Variants in ADARB2 observed in about 807,000 individuals in gnomAD.
The protein encoded by ADARB2 is adenosine deaminase RNA specific B2 (inactive).
ADARB2 carries 25 observed loss-of-function variants against 62.2 expected under a neutral mutation model. The ratio of observed to expected loss-of-function variants is 0.40; its 90% confidence interval spans 0.29 to 0.56. The LOEUF is 0.56. ADARB2 is among the 20% of genes least tolerant of loss of function. ADARB2 has a pLI of 0.43. For missense variants in ADARB2, 1,071 were observed against 1,077.4 expected (o/e 0.99, Z 0.08); for synonymous variants, 572 against 500.8 (o/e 1.14, Z -1.90).
chr10:1,350,009 T>C (rs1832120515), intron 3 of ADARB2, among the ~76,000 whole-genome samples: 2 of 152,096 alleles, frequency 1.3e-5, no homozygotes, highest in Admixed American at 6.6e-5. Flanking sequence ...TTCCTCCTTC[T>C]TCTCCCTTAG....
intron 1 of ADARB2, among the ~76,000 whole-genome samples, chr10:1,708,050 A>G (rs1223451608): frequency 1.3e-5 from 2 of 152,178 alleles, no homozygotes; most frequent in African/African-American, 4.8e-5. Context: ...TTGTGCTCAC[A>G]TGAGGGTGGA....
chr10:1,586,970 T>C (rs930958724), intron 1 of ADARB2, among the ~76,000 whole-genome samples: 1 of 152,248 alleles, frequency 6.6e-6, no homozygotes, highest in African/African-American at 2.4e-5. Context: ...GGTATCTCCA[T>C]TGTGCAAGAA....
At chr10:1,392,267 C>T (rs1292891856) in intron 1 of ADARB2, among the ~76,000 whole-genome samples, 1 of 152,066 alleles carries the variant, frequency 6.6e-6, no homozygotes, top group Non-Finnish European at 1.5e-5. Flanking sequence ...GTTACATAAC[C>T]GGGATTGGGG....
In ADARB2 at chr10:1,363,647, G is replaced by T; in HGVS notation, c.458C>A (p.Ala153Asp). The change falls in exon 3 of 10, where the codon GCC becomes GAC. Residue 153 changes from alanine (A) to aspartate (D), a missense_variant. Physicochemically the swap from Ala to Asp is moderately radical, Grantham distance 126. Transcript: ENST00000381312. ...RTVSQTGPVH[A>D]PVFAVAVEVN... ...CTCCACCGCTACCGCGAAGACCGGG[G>T]CATGCACCGGGCCCGTCTGCGACAC... 6 of 1,606,748 alleles carry T rather than the reference G, an allele frequency of 3.7e-6. No individual in the cohort carries two copies. The highest frequency in any genetic ancestry group is 5.1e-6 in the Non-Finnish European group (6 of 1,176,664).
chr10:1,698,061 A>T (rs1226036123), intron 1 of ADARB2, among the ~76,000 whole-genome samples: 1 of 152,218 alleles, frequency 6.6e-6, no homozygotes, highest in African/African-American at 2.4e-5. Context: ...CAATGGTTAC[A>T]TATTAATAAA....
chr10:1,216,660 C>G lies in ADARB2; in HGVS notation c.1682+291G>C, dbSNP rs1564223827. 6.5e-6 allele frequency: 3 copies of G among 463,024 alleles called. No individual in the cohort carries two copies. In the East Asian group the frequency reaches 1.3e-4, roughly 21 times the overall value. The allele number at this position is 463,024 out of a possible 1,614,324, so 28.7% of individuals were successfully genotyped here. A position where few individuals can be genotyped will look rare whatever the true frequency, so the allele number is the denominator to read the frequency against. On this transcript the variant is annotated intron_variant, in intron 7 of 9. Transcript: ENST00000381312. ...CAGCCTCAGGCCAGGCTGTGTTTGCCCCATGCAGCCACAGCCTGGGGTTGC... is the reference window on the plus strand; with the variant it reads ...CAGCCTCAGGCCAGGCTGTGTTTGCGCCATGCAGCCACAGCCTGGGGTTGC...
chr10:1,499,547 CTCACTCA>C (rs911370655), intron 1 of ADARB2, among the ~76,000 whole-genome samples: 25 of 151,782 alleles, frequency 1.6e-4, no homozygotes, highest in African/African-American at 4.4e-4. Flanking sequence ...TCGCTCATGT[CTCACTCA>C]TCACTCATCA....
chr10:1,423,674 A>ATGTATGCAGTAAGACCATTG (rs1832869928), intron 1 of ADARB2, among the ~76,000 whole-genome samples: 3 of 151,948 alleles, frequency 2.0e-5, no homozygotes, highest in African/African-American at 7.2e-5. Context: ...TAGGTCCACT[A>ATGTATGCAGTAAGACCATTG]TGTATGCAGT....
intron 1 of ADARB2, among the ~76,000 whole-genome samples, chr10:1,641,448 G>T (rs554743264): frequency 1.3e-5 from 2 of 152,314 alleles, no homozygotes; most frequent in South Asian, 4.1e-4. Context: ...TTAAACCACA[G>T]CATTTTTTGA....
chr10:1,287,048 C>T (rs1409954658), intron 3 of ADARB2, among the ~76,000 whole-genome samples: 4 of 152,184 alleles, frequency 2.6e-5, no homozygotes, highest in Non-Finnish European at 5.9e-5. Context: ...AGTATGCAGG[C>T]AATGCAGTTT....
chr10:1,614,439 T>A (rs1833605869), intron 1 of ADARB2, among the ~76,000 whole-genome samples: 1 of 152,232 alleles, frequency 6.6e-6, no homozygotes, highest in Non-Finnish European at 1.5e-5. Context: ...AAATTAAGGA[T>A]CAATTTCTGA....
intron 1 of ADARB2, among the ~76,000 whole-genome samples, chr10:1,627,750 C>T (rs898980454): frequency 2.0e-5 from 3 of 152,228 alleles, no homozygotes; most frequent in African/African-American, 7.2e-5. Flanking sequence ...ACTGCTCTCT[C>T]CCAGAGTGAT....
At chr10:1,531,422 C>A (rs1488905699) in intron 1 of ADARB2, among the ~76,000 whole-genome samples, 1 of 152,210 alleles carries the variant, frequency 6.6e-6, no homozygotes, top group East Asian at 1.9e-4. Context: ...AATTAAAAAT[C>A]CTCCTTCCAG....
At chr10:1,232,972 G>A (rs553673165) in intron 6 of ADARB2, among the ~76,000 whole-genome samples, 1 of 152,122 alleles carries the variant, frequency 6.6e-6, no homozygotes, top group Middle Eastern at 3.4e-3. Context: ...TGTGACATAT[G>A]CAGATAGCAC....
At chr10:1,219,057 A>AG (rs1458739859) in intron 6 of ADARB2, among the ~76,000 whole-genome samples, 2 of 149,284 alleles carry the variant, frequency 1.3e-5, no homozygotes, top group Non-Finnish European at 3.0e-5. Flanking sequence ...CTCAAAAAAA[A>AG]AAAAAAAAAA....
At chr10:1,302,224 A>G in intron 3 of ADARB2, among the ~76,000 whole-genome samples, 1 of 152,230 alleles carries the variant, frequency 6.6e-6, no homozygotes, top group East Asian at 1.9e-4. Flanking sequence ...GGGAAGCGCA[A>G]GGGGTCAGGG....
At chr10:1,709,112 C>G (rs920566636) in intron 1 of ADARB2, among the ~76,000 whole-genome samples, 2 of 152,208 alleles carry the variant, frequency 1.3e-5, no homozygotes, top group African/African-American at 2.4e-5. Flanking sequence ...ATTTCCTGCT[C>G]TAGTGCTGAA....
At chr10:1,495,803 ATCATCATCACTG>A (rs1171686820) in intron 1 of ADARB2, among the ~76,000 whole-genome samples, 1 of 151,992 alleles carries the variant, frequency 6.6e-6, no homozygotes, top group Non-Finnish European at 1.5e-5. Flanking sequence ...CATCATCACC[ATCATCATCACTG>A]TCATCATCAC....
At chr10:1,654,517 C>T (rs1397205604) in intron 1 of ADARB2, among the ~76,000 whole-genome samples, 2 of 152,214 alleles carry the variant, frequency 1.3e-5, no homozygotes, top group East Asian at 1.9e-4. Flanking sequence ...ACCCAGAACC[C>T]CTCTTTCCAC....
Sources: gnomAD v4.1 joint callset for allele counts (sites outside exome capture counted in the v4.1 genomes callset) on GRCh38, gnomAD v4.1.1 for gene constraint, MANE v1.5 for transcripts, NCBI Gene and HGNC (gene_info 2026-07-23, HGNC 2026-07-21) for gene names.